The following EHBP1 variants were observed in gnomAD, a reference collection of about 807,000 sequenced individuals.
EHBP1 encodes the protein EH domain binding protein 1.
EHBP1 carries 55 observed loss-of-function variants against 144.0 expected under a neutral mutation model. The observed-to-expected ratio is 0.38, with a 90% CI of 0.31 to 0.48. The LOEUF (loss-of-function observed/expected upper bound fraction) is 0.48, where lower values mean the gene tolerates loss of function less well. Among genes scored for constraint, EHBP1 ranks in the 20% least tolerant of loss-of-function variants. EHBP1 has a pLI of 0.98. For missense variants in EHBP1, 1,200 were observed against 1,364.2 expected (o/e 0.88, Z 1.90); for synonymous variants, 469 against 472.7 (o/e 0.99, Z 0.10).
At chr2:62,893,498 A>C (rs924742941) in intron 10 of EHBP1, among the ~76,000 whole-genome samples, 5 of 152,224 alleles carry the variant, frequency 3.3e-5, no homozygotes, top group African/African-American at 1.2e-4. Context: ...TTGAACATCA[A>C]GTAAAAATAA....
intron 1 of EHBP1, among the ~76,000 whole-genome samples, chr2:62,686,314 G>A (rs567324708): frequency 2.0e-5 from 3 of 152,346 alleles, no homozygotes; most frequent in African/African-American, 4.8e-5. Flanking sequence ...CTTTAGGACA[G>A]AAGCAGCTAT....
At chr2:63,042,651 TTAAGA>T (rs1233612521) in intron 21 of EHBP1, among the ~76,000 whole-genome samples, 4 of 152,094 alleles carry the variant, frequency 2.6e-5, no homozygotes, top group Admixed American at 2.0e-4. Flanking sequence ...TAGGGAAAAG[TTAAGA>T]TATTTTAAAT....
At chr2:62,963,222 C>A (rs970084713) in intron 14 of EHBP1, among the ~76,000 whole-genome samples, 7 of 152,136 alleles carry the variant, frequency 4.6e-5, no homozygotes, top group Non-Finnish European at 1.0e-4. Context: ...TGCTCTTTTG[C>A]AAATTAAACC....
Position 62,708,967 on chromosome 2 carries a change from T to A in EHBP1, c.104+1672T>A, listed in dbSNP as rs1021390999. ...GCAGGACTGAAAGCATGTTAAGTTA[T>A]GTGCTGTTAATAAATGATTTGGGGA... On this transcript the variant is annotated intron_variant, in intron 2 of 22. Transcript: ENST00000431489. Among the ~76,000 whole-genome samples the A allele has an allele frequency of 2.0e-5, 3 of 152,190 alleles. No homozygotes were observed. In the East Asian group the frequency reaches 5.8e-4, roughly 29 times the overall value.
At chr2:62,873,814 G>C (rs956111379) in intron 9 of EHBP1, among the ~76,000 whole-genome samples, 1 of 152,096 alleles carries the variant, frequency 6.6e-6, no homozygotes, top group Admixed American at 6.5e-5. Context: ...TCTCTACCCA[G>C]CTAAACTATC....
chr2:62,719,162 T>C (rs1024888319), intron 2 of EHBP1, among the ~76,000 whole-genome samples: 4 of 152,056 alleles, frequency 2.6e-5, no homozygotes, highest in African/African-American at 9.7e-5. Context: ...AGGCAAAGTT[T>C]TGCCATGTTG....
intron 14 of EHBP1, among the ~76,000 whole-genome samples, chr2:62,978,574 T>C (rs2058820572): frequency 6.6e-6 from 1 of 152,122 alleles, no homozygotes; most frequent in Non-Finnish European, 1.5e-5. Flanking sequence ...CCACATTAGA[T>C]TTTAATTTTT....
At chr2:62,899,214 G>T (rs1199158310) in intron 10 of EHBP1, among the ~76,000 whole-genome samples, 1 of 152,154 alleles carries the variant, frequency 6.6e-6, no homozygotes, top group Non-Finnish European at 1.5e-5. Flanking sequence ...AGCTGAAGGG[G>T]TCTTCCCTAA....
intron 2 of EHBP1, among the ~76,000 whole-genome samples, chr2:62,714,394 A>G (rs2035465470): frequency 6.6e-6 from 1 of 152,218 alleles, no homozygotes; most frequent in Admixed American, 6.5e-5. Context: ...TAAGTAACAG[A>G]GAAGAGACCA....
At chr2:62,684,324 G>C (rs548124929) in intron 1 of EHBP1, among the ~76,000 whole-genome samples, 10 of 152,018 alleles carry the variant, frequency 6.6e-5, no homozygotes, top group Admixed American at 2.0e-4. Flanking sequence ...GGGTAGAGTG[G>C]GGGAGGTAAA....
At chr2:62,724,635 T>C (rs2036563277) in intron 2 of EHBP1, among the ~76,000 whole-genome samples, 1 of 152,046 alleles carries the variant, frequency 6.6e-6, no homozygotes, top group South Asian at 2.1e-4. Context: ...TGCTCACCTT[T>C]GGATAGTTTT....
intron 10 of EHBP1, among the ~76,000 whole-genome samples, chr2:62,895,127 G>A (rs1233936190): frequency 1.3e-5 from 2 of 152,138 alleles, no homozygotes; most frequent in East Asian, 3.8e-4. Flanking sequence ...ATAACTAGTG[G>A]TTGCCCAGGG....
chr2:62,770,852 T>A (rs1211215446), intron 4 of EHBP1, among the ~76,000 whole-genome samples: 1 of 152,232 alleles, frequency 6.6e-6, no homozygotes, highest in Non-Finnish European at 1.5e-5. Context: ...TGCTTTTTTC[T>A]GGAACATGGA....
chr2:62,932,679 C>G (rs2056095264), intron 10 of EHBP1, among the ~76,000 whole-genome samples: 1 of 152,094 alleles, frequency 6.6e-6, no homozygotes, highest in South Asian at 2.1e-4. Flanking sequence ...AAGGGCTGGG[C>G]ATGGTGGCTC....
At chr2:63,013,443 G>A (rs2153238691) in intron 19 of EHBP1, among the ~76,000 whole-genome samples, 1 of 152,240 alleles carries the variant, frequency 6.6e-6, no homozygotes, top group East Asian at 1.9e-4. Flanking sequence ...ATACTATGTA[G>A]GGCTGAATGT....
intron 5 of EHBP1, among the ~76,000 whole-genome samples, chr2:62,820,446 A>G (rs923787106): frequency 6.6e-6 from 1 of 151,782 alleles, no homozygotes; most frequent in East Asian, 1.9e-4. Flanking sequence ...TTGTATAACC[A>G]TCACTACTGT....
intron 5 of EHBP1, among the ~76,000 whole-genome samples, chr2:62,793,382 A>C (rs1220493549): frequency 6.6e-6 from 1 of 152,110 alleles, no homozygotes; most frequent in African/African-American, 2.4e-5. Flanking sequence ...CTCCAGAGAC[A>C]GCTTGAACTA....
chr2:63,039,466 T>A (rs1043846813), intron 21 of EHBP1, among the ~76,000 whole-genome samples: 2 of 152,154 alleles, frequency 1.3e-5, no homozygotes, highest in Non-Finnish European at 1.5e-5. Flanking sequence ...CTGTTCTCCT[T>A]ATATCTCAGT....
chr2:62,691,767 G>C (rs897090461), intron 1 of EHBP1, among the ~76,000 whole-genome samples: 1 of 152,162 alleles, frequency 6.6e-6, no homozygotes, highest in Admixed American at 6.5e-5. Flanking sequence ...TTTAAGAGTA[G>C]GGAACATTCA....
Sources: allele counts gnomAD v4.1 joint callset (sites outside exome capture counted in the v4.1 genomes callset), GRCh38; gene constraint gnomAD v4.1.1; transcripts MANE v1.5; gene names NCBI Gene and HGNC (gene_info 2026-07-23, HGNC 2026-07-21).